APH1B: variants seen among roughly 807,000 people sequenced by gnomAD.
APH1B encodes the protein gamma-secretase subunit APH-1B.
In APH1B, 27 loss-of-function variants were observed where a neutral mutation model predicts 28.2. That is an observed-to-expected ratio of 0.96 (90% CI 0.70 to 1.32). The LOEUF is 1.32. Ranked by LOEUF, APH1B falls within the 40% of genes most tolerant of loss-of-function variation. APH1B has a pLI of 0.00. For missense variants in APH1B, 305 were observed against 313.6 expected (o/e 0.97, Z 0.21); for synonymous variants, 141 against 124.6 (o/e 1.13, Z -0.88).
chr15:63,288,019 G>A (rs2038465619), intron 4 of APH1B, among the ~76,000 whole-genome samples: 1 of 152,162 alleles, frequency 6.6e-6, no homozygotes, highest in African/African-American at 2.4e-5. Context: ...ATTTCAAATT[G>A]CTTTTTCGTC....
rs926060531 is a variant in APH1B at position 63,293,929 on chromosome 15, A to T, written c.478+6383A>T. On this transcript the variant is annotated intron_variant, in intron 4 of 5. Transcript: ENST00000261879. Reference sequence around the variant, plus strand: ...AGGCACATGCCACTAAACTCAGCTAATTTTTTTTTTTTTCCTGTAGAGATG... The same window carrying T: ...AGGCACATGCCACTAAACTCAGCTATTTTTTTTTTTTTTCCTGTAGAGATG... 2.8e-5 allele frequency among the ~76,000 whole-genome samples: 4 copies of T among 144,576 alleles called. No homozygotes were observed. In the East Asian group the frequency reaches 6.1e-4, roughly 22 times the overall value. The allele number at this position is 144,576 out of a possible 152,430, so 94.8% of individuals were successfully genotyped here. A position where few individuals can be genotyped will look rare whatever the true frequency, so the allele number is the denominator to read the frequency against.
In APH1B at chr15:63,279,281, CTCTG is replaced by C. The variant is rs1420888373; in HGVS notation, c.238_241del (p.Val80IlefsTer14). ...ATCTGCTGATCTTTGGAGCGTTTGT[CTCTG>C]TCTATATCCAAGAAATGTTCCGATT... On this transcript the variant is annotated frameshift_variant, in exon 2 of 6. Coordinates refer to ENST00000261879, the MANE Select transcript of APH1B (RefSeq NM_031301.4). LOFTEE classifies it high-confidence loss of function. 1 of 1,612,100 alleles carries C rather than the reference CTCTG, an allele frequency of 6.2e-7. No homozygotes were observed. The highest frequency in any genetic ancestry group is 1.7e-5 in the Admixed American group (1 of 60,006).
chr15:63,292,954 T>C (rs899867299), intron 4 of APH1B, among the ~76,000 whole-genome samples: 8 of 152,146 alleles, frequency 5.3e-5, no homozygotes, highest in Non-Finnish European at 1.2e-4. Context: ...ATGGCTCTTC[T>C]AGGTATGTTT....
At chr15:63,300,526 C>T (rs945040674) in intron 4 of APH1B, among the ~76,000 whole-genome samples, 7 of 152,204 alleles carry the variant, frequency 4.6e-5, no homozygotes, top group Non-Finnish European at 1.0e-4. Flanking sequence ...TTAAACTGCA[C>T]TCCTGGGCAT....
At chr15:63,281,952 C>T (rs1714042429) in intron 2 of APH1B, among the ~76,000 whole-genome samples, 1 of 152,060 alleles carries the variant, frequency 6.6e-6, no homozygotes, top group Admixed American at 6.5e-5. Flanking sequence ...GTGTGCTTTT[C>T]TGAAAGGACC....
chr15:63,288,002 C>T (rs1459992205), intron 4 of APH1B, among the ~76,000 whole-genome samples: 4 of 152,144 alleles, frequency 2.6e-5, no homozygotes, highest in Non-Finnish European at 5.9e-5. Context: ...GCTAAAAGGA[C>T]CAACTCATTT....
chr15:63,301,280 T>G (rs1428679473), intron 4 of APH1B, among the ~76,000 whole-genome samples: 1 of 152,278 alleles, frequency 6.6e-6, no homozygotes, highest in Non-Finnish European at 1.5e-5. Context: ...ACTGTTTTCC[T>G]ATCAGCAGTA....
intron 4 of APH1B, among the ~76,000 whole-genome samples, chr15:63,296,604 A>T (rs2038570435): frequency 6.6e-6 from 1 of 151,824 alleles, no homozygotes; most frequent in Non-Finnish European, 1.5e-5. Flanking sequence ...TGTGTGTTAG[A>T]GCATTTGGGG....
chr15:63,296,112 C>T (rs2038564240), intron 4 of APH1B, among the ~76,000 whole-genome samples: 1 of 152,182 alleles, frequency 6.6e-6, no homozygotes, highest in Non-Finnish European at 1.5e-5. Context: ...GTTAAATCCC[C>T]ATTAGAGAAA....
At chr15:63,287,104 ACT>A in intron 3 of APH1B, 1 of 273,624 alleles carries the variant, frequency 3.7e-6, no homozygotes, top group Non-Finnish European at 6.9e-6. Flanking sequence ...AACTCTGTAG[ACT>A]CTGTTATCAT....
At chr15:63,288,044 T>A (rs774193892) in intron 4 of APH1B, among the ~76,000 whole-genome samples, 1 of 152,204 alleles carries the variant, frequency 6.6e-6, no homozygotes, top group Non-Finnish European at 1.5e-5. Context: ...AGCTAAAAAT[T>A]GTCATCATGA....
At position 63,307,834 on chromosome 15, in the gene APH1B, C is replaced by G. The variant is rs2038702732; in HGVS notation, c.*2053C>G. 6.6e-6 allele frequency: 1 copy of G among 152,142 alleles called. No individual in the cohort carries two copies. 9.4% of individuals were successfully genotyped at this position (152,142 alleles called of 1,614,324 possible). On this transcript the variant is annotated 3_prime_UTR_variant, in exon 6 of 6. Coordinates refer to ENST00000261879, the MANE Select transcript of APH1B (RefSeq NM_031301.4). ...CTAAAAAAGCTGGGTATTGTAAAATCTCATTTATAAAAACTCAGATGAGAA... is the reference window on the plus strand; with the variant it reads ...CTAAAAAAGCTGGGTATTGTAAAATGTCATTTATAAAAACTCAGATGAGAA...
At chr15:63,278,262 A>G (rs1487291034) in intron 1 of APH1B, 1 of 445,366 alleles carries the variant, frequency 2.2e-6, no homozygotes, top group South Asian at 1.6e-5. Context: ...AAAAAATTTA[A>G]GCTCCTTTTG....
intron 4 of APH1B, among the ~76,000 whole-genome samples, chr15:63,292,572 GGA>G (rs34337046): frequency 0.044 from 6,690 of 151,878 alleles, 271 homozygotes; most frequent in East Asian, 0.22. Flanking sequence ...TATTTTTTGT[GGA>G]GATGGGGGTC....
intron 4 of APH1B, among the ~76,000 whole-genome samples, chr15:63,295,127 T>A (rs2038550842): frequency 6.6e-6 from 1 of 152,248 alleles, no homozygotes; most frequent in African/African-American, 2.4e-5. Context: ...GCTTTATAAA[T>A]GGCATAGATC....
chr15:63,305,748 G>A lies in APH1B; in HGVS notation c.741G>A (p.Lys247=). 6.2e-7 allele frequency: 1 copy of A among 1,614,140 alleles called. No individual in the cohort carries two copies. Among genetic ancestry groups the A allele is most frequent in the Non-Finnish European group, 8.5e-7 (1 of 1,180,028 alleles). The stretch of plus-strand genomic sequence containing the variant: ...AACTCTGCCTGCTCTGCCAAGACAA[G>A]AACTTTCTTCTTTACAACCAGCGCT... ...SLKLCLLCQD[K]NFLLYNQRSR The change falls in exon 6 of 6, where the codon AAG becomes AAA. Residue 247 remains lysine, a synonymous_variant. Transcript: ENST00000261879.
chr15:63,305,126 C>T (rs1312511525), intron 5 of APH1B, among the ~76,000 whole-genome samples: 1 of 152,210 alleles, frequency 6.6e-6, no homozygotes. Flanking sequence ...ACTTTGGTCT[C>T]ACCAAGGTGT....
intron 2 of APH1B, among the ~76,000 whole-genome samples, chr15:63,283,795 G>A (rs2038415352): frequency 6.6e-6 from 1 of 152,170 alleles, no homozygotes; most frequent in African/African-American, 2.4e-5. Context: ...TGGCACCTAT[G>A]TATTCTTCTG....
intron 4 of APH1B, among the ~76,000 whole-genome samples, chr15:63,294,570 G>A (rs1438529741): frequency 2.0e-5 from 3 of 152,210 alleles, no homozygotes; most frequent in Admixed American, 2.0e-4. Flanking sequence ...ACTTTTAGGG[G>A]AATGGTTCAT....
Sources: gnomAD v4.1 joint callset for allele counts (sites outside exome capture counted in the v4.1 genomes callset) on GRCh38, gnomAD v4.1.1 for gene constraint, MANE v1.5 for transcripts, NCBI Gene and HGNC (gene_info 2026-07-23, HGNC 2026-07-21) for gene names.